The following DGKI variants were observed in gnomAD, a reference collection of about 807,000 sequenced individuals.
DGKI encodes the protein DAG kinase iota.
In DGKI, 55 loss-of-function variants were observed where a neutral mutation model predicts 147.5. The observed-to-expected ratio is 0.37, with a 90% CI of 0.30 to 0.47. The LOEUF (loss-of-function observed/expected upper bound fraction) is 0.47. Among genes scored for constraint, DGKI ranks in the 20% least tolerant of loss-of-function variants. The probability of loss-of-function intolerance (pLI) is 1.00; values close to 1 mark genes in which losing one functional copy is unlikely to be tolerated. For missense variants in DGKI, 1,007 were observed against 1,323.8 expected, an observed-to-expected ratio of 0.76 and a Z score of 3.71; for synonymous variants, 469 against 477.1, an observed-to-expected ratio of 0.98 and a Z score of 0.22.
intron 29 of DGKI, among the ~76,000 whole-genome samples, chr7:137,409,504 G>A (rs951466354): frequency 6.6e-6 from 1 of 152,204 alleles, no homozygotes; most frequent in Non-Finnish European, 1.5e-5. Flanking sequence ...CCCAGGACAT[G>A]GATCCAAAGC....
chr7:137,612,630 G>A (rs1820404075), intron 8 of DGKI, among the ~76,000 whole-genome samples: 1 of 152,052 alleles, frequency 6.6e-6, no homozygotes, highest in Non-Finnish European at 1.5e-5. Flanking sequence ...CGCTTATCCT[G>A]CCTGGGTCAG....
intron 5 of DGKI, among the ~76,000 whole-genome samples, chr7:137,650,923 T>C (rs760396070): frequency 1.3e-5 from 2 of 152,014 alleles, no homozygotes; most frequent in African/African-American, 2.4e-5. Flanking sequence ...TATCCAAAGG[T>C]GGGGAATATC....
At chr7:137,838,327 G>T (rs553030447) in intron 1 of DGKI, among the ~76,000 whole-genome samples, 1 of 152,262 alleles carries the variant, frequency 6.6e-6, no homozygotes, top group South Asian at 2.1e-4. Flanking sequence ...GTCTGAAAGA[G>T]ATTGTCTCAA....
At chr7:137,571,473 C>T (rs991594395) in intron 18 of DGKI, among the ~76,000 whole-genome samples, 187 bp from the exon 19 acceptor site, 5 of 152,156 alleles carry the variant, frequency 3.3e-5, no homozygotes, top group Admixed American at 1.3e-4. Context: ...GCTGTGAAAA[C>T]GGGCCATAAT....
At chr7:137,392,674 AT>A (rs959983871) in intron 32 of DGKI, among the ~76,000 whole-genome samples, 7 of 152,158 alleles carry the variant, frequency 4.6e-5, no homozygotes, top group Admixed American at 3.9e-4. Context: ...TCCTTGAATA[AT>A]TTTTATTCAA....
At chr7:137,661,397 AG>A (rs779218089) in intron 3 of DGKI, among the ~76,000 whole-genome samples, 3 of 152,258 alleles carry the variant, frequency 2.0e-5, no homozygotes, top group South Asian at 4.1e-4. Flanking sequence ...CAGTGAGCAA[AG>A]GGATGACAGC....
intron 21 of DGKI, among the ~76,000 whole-genome samples, chr7:137,494,351 T>C (rs1208739123): frequency 2.0e-5 from 3 of 151,716 alleles, no homozygotes; most frequent in Non-Finnish European, 4.4e-5. Flanking sequence ...AAGAAGATCA[T>C]CACCAAGACA....
In DGKI at chr7:137,669,402, C is replaced by T. The variant is rs1822762533; in HGVS notation, c.606+9155G>A. On this transcript the variant is annotated intron_variant, in intron 3 of 32. Coordinates refer to ENST00000614521, the MANE Select transcript of DGKI (RefSeq NM_001321708.2). Reference sequence around the variant, plus strand: ...TAAGCAACAGGAATACTGGTTAAACCCCAGTACTGTGGGTCCCTGCCCCTG... The same window carrying T: ...TAAGCAACAGGAATACTGGTTAAACTCCAGTACTGTGGGTCCCTGCCCCTG... 2.6e-5 allele frequency among the ~76,000 whole-genome samples: 4 copies of T among 152,172 alleles called. No homozygotes were observed. In the South Asian group the frequency reaches 8.3e-4, roughly 31 times the overall value.
intron 1 of DGKI, among the ~76,000 whole-genome samples, chr7:137,748,115 T>G (rs1795397681): frequency 6.6e-6 from 1 of 152,170 alleles, no homozygotes. Context: ...TAACATCATT[T>G]TATCATTATC....
At chr7:137,733,505 G>C (rs1794941408) in intron 1 of DGKI, among the ~76,000 whole-genome samples, 1 of 151,988 alleles carries the variant, frequency 6.6e-6, no homozygotes, top group Admixed American at 6.6e-5. Context: ...ATGAATACTT[G>C]GATTATTTCC....
At chr7:137,570,142 C>A (rs550746926) in intron 19 of DGKI, among the ~76,000 whole-genome samples, 10 of 152,072 alleles carry the variant, frequency 6.6e-5, no homozygotes, top group Non-Finnish European at 1.5e-4. Flanking sequence ...TAAGGTACAG[C>A]ACAAATCATG....
Position 137,681,422 on chromosome 7 carries a change from A to ACTT in DGKI, c.511-2773_511-2771dup, listed in dbSNP as rs1217013906. Among the ~76,000 whole-genome samples the ACTT allele has an allele frequency of 1.3e-4, 20 of 152,352 alleles. No homozygotes were observed. In the East Asian group the frequency reaches 3.7e-3, roughly 28 times the overall value. On this transcript the variant is annotated intron_variant, in intron 2 of 32. Coordinates refer to ENST00000614521, the MANE Select transcript of DGKI (RefSeq NM_001321708.2). ...AACACTTTAAAAAAAGTAGAAAGGC[A>ACTT]CTTCTTCGCAAGGTATCCTGAAGAC...
At chr7:137,644,496 C>G (rs974624699) in intron 6 of DGKI, among the ~76,000 whole-genome samples, 1 of 152,196 alleles carries the variant, frequency 6.6e-6, no homozygotes, top group African/African-American at 2.4e-5. Flanking sequence ...TCACCCTCCA[C>G]AACCATATCT....
intron 11 of DGKI, among the ~76,000 whole-genome samples, chr7:137,599,407 ACACT>A (rs1306730928): frequency 1.3e-5 from 2 of 152,016 alleles, no homozygotes; most frequent in African/African-American, 2.4e-5. Flanking sequence ...ACACACACAC[ACACT>A]CTCTCTTTTC....
At chr7:137,676,470 C>T (rs939822006) in intron 3 of DGKI, among the ~76,000 whole-genome samples, 2 of 152,128 alleles carry the variant, frequency 1.3e-5, no homozygotes, top group African/African-American at 4.8e-5. Flanking sequence ...TCACCAAACC[C>T]TCAAAACAGT....
chr7:137,396,905 T>C (rs1811575068), intron 31 of DGKI, among the ~76,000 whole-genome samples: 1 of 152,136 alleles, frequency 6.6e-6, no homozygotes, highest in South Asian at 2.1e-4. Context: ...GAAAATAGAG[T>C]GACTATGTTC....
chr7:137,439,826 A>T (rs1426102942), intron 28 of DGKI, among the ~76,000 whole-genome samples: 1 of 152,246 alleles, frequency 6.6e-6, no homozygotes, highest in Non-Finnish European at 1.5e-5. Context: ...CATAGTTGAC[A>T]ACAGGTCTAA....
intron 1 of DGKI, among the ~76,000 whole-genome samples, chr7:137,842,531 G>T (rs1798574491): frequency 6.6e-6 from 1 of 152,080 alleles, no homozygotes; most frequent in African/African-American, 2.4e-5. Context: ...ATAAGTAATG[G>T]TCTGCCCAGA....
chr7:137,534,171 C>T (rs574084261), intron 20 of DGKI, among the ~76,000 whole-genome samples: 161 of 152,186 alleles, frequency 1.1e-3, no homozygotes, highest in Non-Finnish European at 1.8e-3. Context: ...TTGTTTGGAA[C>T]GCTCAAAACG....
Sources: gnomAD v4.1 joint callset for allele counts (sites outside exome capture counted in the v4.1 genomes callset) on GRCh38, gnomAD v4.1.1 for gene constraint, MANE v1.5 for transcripts, NCBI Gene and HGNC (gene_info 2026-07-23, HGNC 2026-07-21) for gene names.